ABHD17B: variants seen among roughly 807,000 people sequenced by gnomAD.
The protein encoded by ABHD17B is abhydrolase domain containing 17B, depalmitoylase, also known as alpha/beta hydrolase domain-containing protein 17B.
In ABHD17B, 9 loss-of-function variants were observed where a neutral mutation model predicts 26.2. That is an observed-to-expected ratio of 0.34 (90% CI 0.21 to 0.60). The LOEUF (loss-of-function observed/expected upper bound fraction) is 0.60, where lower values mean the gene tolerates loss of function less well. Among genes scored for constraint, ABHD17B ranks in the 20% least tolerant of loss-of-function variants. The pLI, the probability that ABHD17B is intolerant of heterozygous loss-of-function variation, is 0.80. For missense variants in ABHD17B, 224 were observed against 352.1 expected, an observed-to-expected ratio of 0.64 and a Z score of 2.91; for synonymous variants, 127 against 122.3, an observed-to-expected ratio of 1.04 and a Z score of -0.25.
At chr9:71,874,363 TA>T (rs1206176488) in intron 2 of ABHD17B, among the ~76,000 whole-genome samples, 9 of 151,620 alleles carry the variant, frequency 5.9e-5, no homozygotes, top group Middle Eastern at 3.4e-3. Context: ...GAATTTAAGT[TA>T]AAAAAAACAT....
At chr9:71,892,229 G>A (rs183239094) in intron 1 of ABHD17B, among the ~76,000 whole-genome samples, 185 of 151,704 alleles carry the variant, frequency 1.2e-3, no homozygotes, top group African/African-American at 4.1e-3. Flanking sequence ...AAGTTGTTCC[G>A]GCTACTAAAA....
intron 3 of ABHD17B, among the ~76,000 whole-genome samples, 157 bp downstream of exon 3, chr9:71,869,926 C>T (rs1826062499): frequency 6.6e-6 from 1 of 152,194 alleles, no homozygotes; most frequent in Non-Finnish European, 1.5e-5. Flanking sequence ...TGGTCACCTG[C>T]TAATACCCTC....
At chr9:71,899,123 GA>G (rs78909056) in intron 1 of ABHD17B, among the ~76,000 whole-genome samples, 1,578 of 136,966 alleles carry the variant, frequency 0.012, 18 homozygotes, top group African/African-American at 0.034. Flanking sequence ...GACTCTCAGG[GA>G]AAAAAAAAAA....
In ABHD17B at chr9:71,910,953, G is replaced by T; in HGVS notation, c.-323C>A. 1 of 153,154 alleles carries T rather than the reference G, an allele frequency of 6.5e-6. No individual in the cohort carries two copies. Among genetic ancestry groups the T allele is most frequent in the South Asian group, 1.8e-4 (1 of 5,424 alleles). The allele number at this position is 153,154 out of a possible 1,614,324, so 9.5% of individuals were successfully genotyped here. On this transcript the variant is annotated 5_prime_UTR_variant, in exon 1 of 4. Transcript: ENST00000333421. Reference sequence around the variant, plus strand: ...GCTGGAGCGGCCGCCGCTGCCCGTCGGTTGCTCTCGGGCCTCACGTCCCGC... The same window carrying T: ...GCTGGAGCGGCCGCCGCTGCCCGTCTGTTGCTCTCGGGCCTCACGTCCCGC...
chr9:71,863,653 T>C (rs145132328), downstream of ABHD17B, among the ~76,000 whole-genome samples: 17 of 152,324 alleles, frequency 1.1e-4, no homozygotes, highest in African/African-American at 4.1e-4. Flanking sequence ...AAGATACTCA[T>C]TAATGCTTAG....
intron 1 of ABHD17B, among the ~76,000 whole-genome samples, chr9:71,887,989 C>T (rs1826664327): frequency 1.3e-5 from 2 of 152,148 alleles, no homozygotes; most frequent in African/African-American, 2.4e-5. Flanking sequence ...GATTCATGTT[C>T]TTGAGAGGTT....
intron 1 of ABHD17B, among the ~76,000 whole-genome samples, chr9:71,909,034 G>A (rs1344804247): frequency 6.6e-6 from 1 of 152,060 alleles, no homozygotes; most frequent in African/African-American, 2.4e-5. Flanking sequence ...ATGTTTTTTG[G>A]TGATTTTGTT....
intron 1 of ABHD17B, among the ~76,000 whole-genome samples, chr9:71,889,268 G>A (rs528751294): frequency 6.6e-6 from 1 of 150,572 alleles, no homozygotes; most frequent in South Asian, 2.1e-4. Context: ...AGTGAGCCGA[G>A]ATTGCACCAC....
intron 1 of ABHD17B, among the ~76,000 whole-genome samples, chr9:71,886,839 T>C (rs1826625635): frequency 6.6e-6 from 1 of 152,156 alleles, no homozygotes. Context: ...ATGAACTGCA[T>C]GCTACATGAG....
At chr9:71,868,846 G>T (rs1335727183) in intron 3 of ABHD17B, among the ~76,000 whole-genome samples, 1 of 152,032 alleles carries the variant, frequency 6.6e-6, no homozygotes, top group Non-Finnish European at 1.5e-5. Flanking sequence ...GCATCACCAT[G>T]CCTGGCTAAT....
intron 1 of ABHD17B, among the ~76,000 whole-genome samples, chr9:71,898,827 G>A (rs1012177579): frequency 1.4e-4 from 21 of 152,118 alleles, no homozygotes; most frequent in African/African-American, 5.1e-4. Flanking sequence ...GCAAAACTCT[G>A]TCTCTACCAA....
downstream of ABHD17B, chr9:71,862,699 C>A (rs1218168361): frequency 9.4e-6 from 5 of 530,506 alleles, no homozygotes; most frequent in East Asian, 1.6e-4. Flanking sequence ...AAAAATCACT[C>A]TTAAGATTTT....
chr9:71,870,399 T>C, intron 2 of ABHD17B, 137 bp from the exon 3 acceptor site: 1 of 657,960 alleles, frequency 1.5e-6, no homozygotes, highest in Non-Finnish European at 2.3e-6. Flanking sequence ...TCTTAGCTAT[T>C]ACTGTTAGTT....
intron 3 of ABHD17B, among the ~76,000 whole-genome samples, chr9:71,868,881 G>A (rs1179357367): frequency 6.6e-6 from 1 of 152,012 alleles, no homozygotes; most frequent in African/African-American, 2.4e-5. Flanking sequence ...TGGAGACGGG[G>A]TTTCACCATG....
rs1826123626 is a variant in ABHD17B, at chr9:71,871,836, T to A, written c.468-1574A>T. On this transcript the variant is annotated intron_variant, in intron 2 of 3. Transcript: ENST00000333421. Reference sequence around the variant, plus strand: ...GTTTTTTACCTCTGAAGCACACAGATGAGGAACTCAAGGACTTTGTGGGAA... The same window carrying A: ...GTTTTTTACCTCTGAAGCACACAGAAGAGGAACTCAAGGACTTTGTGGGAA... Among the ~76,000 whole-genome samples, 3 of 152,158 alleles carry A rather than the reference T, an allele frequency of 2.0e-5. No homozygotes were observed. The South Asian group carries it at 6.2e-4, about 32-fold the overall frequency.
chr9:71,890,548 T>G (rs1589224714), intron 1 of ABHD17B, among the ~76,000 whole-genome samples: 1 of 152,340 alleles, frequency 6.6e-6, no homozygotes, highest in African/African-American at 2.4e-5. Flanking sequence ...TATTGGTTGA[T>G]TCTCATTAAT....
intron 1 of ABHD17B, among the ~76,000 whole-genome samples, chr9:71,878,104 A>G (rs1379430198): frequency 6.6e-6 from 1 of 152,170 alleles, no homozygotes; most frequent in Non-Finnish European, 1.5e-5. Flanking sequence ...GTATAGTGTG[A>G]GCAAGTTACT....
chr9:71,896,995 C>T (rs1436742256), intron 1 of ABHD17B, among the ~76,000 whole-genome samples: 2 of 152,054 alleles, frequency 1.3e-5, no homozygotes, highest in Admixed American at 6.6e-5. Flanking sequence ...AGAGGAAGTA[C>T]AGAACAATAA....
At chr9:71,871,559 C>A (rs181203515) in intron 2 of ABHD17B, among the ~76,000 whole-genome samples, 1 of 152,312 alleles carries the variant, frequency 6.6e-6, no homozygotes, top group East Asian at 1.9e-4. Flanking sequence ...TGAATATCAG[C>A]ATTGTTGGTG....
Sources: gnomAD v4.1 joint callset for allele counts (sites outside exome capture counted in the v4.1 genomes callset) on GRCh38, gnomAD v4.1.1 for gene constraint, MANE v1.5 for transcripts, NCBI Gene and HGNC (gene_info 2026-07-23, HGNC 2026-07-21) for gene names.